The following ZNF397 variants were observed in gnomAD, a reference collection of about 807,000 sequenced individuals.
ZNF397 encodes zinc finger protein 397.
Under a neutral mutation model 50.6 loss-of-function variants are expected in ZNF397, and 38 were observed. The ratio of observed to expected loss-of-function variants is 0.75; its 90% CI spans 0.58 to 0.98. The LOEUF (loss-of-function observed/expected upper bound fraction) is 0.98. Ranked by LOEUF, ZNF397 falls within the 50% of genes least tolerant of loss-of-function variation. The pLI is 0.00. For missense variants in ZNF397, 624 were observed against 624.1 expected (o/e 1.00, Z 0.00); for synonymous variants, 228 against 215.2 (o/e 1.06, Z -0.52).
At chr18:35,253,201 T>C, downstream of ZNF397, 1 of 359,062 alleles carries the variant, frequency 2.8e-6, no homozygotes, top group African/African-American at 2.1e-5. Context: ...ATGAGTCTCA[T>C]CCAGAAATGG....
rs1439601596 is a variant in ZNF397, at chr18:35,245,311, A to G, written c.606A>G (p.Lys202=). 1 of 1,612,358 alleles carries G rather than the reference A, an allele frequency of 6.2e-7. No homozygotes were observed. The highest frequency in any genetic ancestry group is 8.5e-7 in the Non-Finnish European group (1 of 1,178,888). ...CAAAAGAGGGCATCTCAGAAGAAAAATCACAGGGACTCCCTCAGGAACCTT... is the reference window on the plus strand; with the variant it reads ...CAAAAGAGGGCATCTCAGAAGAAAAGTCACAGGGACTCCCTCAGGAACCTT... ...TATKEGISEE[K]SQGLPQEPSF... The change falls in exon 4 of 4, where the codon AAA becomes AAG. Residue 202 remains lysine (K), a synonymous_variant. Coordinates refer to ENST00000330501, the MANE Select transcript of ZNF397 (RefSeq NM_001135178.3).
chr18:35,245,249 C>G lies in ZNF397; in HGVS notation c.557-13C>G, dbSNP rs1160201673. On this transcript the variant is annotated splice_polypyrimidine_tract_variant and intron_variant, in intron 3 of 3. Coordinates refer to ENST00000330501, the MANE Select transcript of ZNF397 (RefSeq NM_001135178.3). ...AAATGTAATATCTGTTTTTTTGCTA[C>G]TTATTGTTTCAGATTGTGAGAACAG... 1 of 1,566,654 alleles carries G rather than the reference C, an allele frequency of 6.4e-7. No individual in the cohort carries two copies. The highest frequency in any genetic ancestry group is 2.3e-5 in the East Asian group (1 of 44,178).
At chr18:35,245,201 G>C in intron 3 of ZNF397, 61 bp from the exon 4 acceptor site, 1 of 1,476,492 alleles carries the variant, frequency 6.8e-7, no homozygotes, top group East Asian at 2.4e-5. Context: ...CTCTCATGTA[G>C]AAAGTTTTGA....
rs969048635 is a variant in ZNF397, at chr18:35,246,871, A to G, written c.*561A>G. On this transcript the variant is annotated 3_prime_UTR_variant, in exon 4 of 4. Coordinates refer to ENST00000330501, the MANE Select transcript of ZNF397 (RefSeq NM_001135178.3). The stretch of plus-strand genomic sequence containing the variant: ...CCCAAAGGTTATTTTTTGAGTACCT[A>G]CTTTGTCCCAGGAACTAGGAATACA... 4 of 982,656 alleles carry G rather than the reference A, an allele frequency of 4.1e-6. No homozygotes were observed. Among genetic ancestry groups the G allele is most frequent in the East Asian group, 1.1e-4 (1 of 8,804 alleles). 60.9% of individuals were successfully genotyped at this position (982,656 alleles called of 1,614,324 possible). A position where few individuals can be genotyped will look rare whatever the true frequency, so the allele number is the denominator to read the frequency against.
chr18:35,254,112 A>G (rs2043702066), downstream of ZNF397: 1 of 1,614,108 alleles, frequency 6.2e-7, no homozygotes, highest in Non-Finnish European at 8.5e-7. Context: ...CTCTCATGAG[A>G]TTCAAGGACA....
Position 35,246,719 on chromosome 18 carries a change from A to C in ZNF397, c.*409A>C. The C allele has an allele frequency of 4.0e-6, 4 of 991,576 alleles. No individual in the cohort carries two copies. The highest frequency in any genetic ancestry group is 4.8e-6 in the Non-Finnish European group (4 of 834,256). 61.4% of individuals were successfully genotyped at this position (991,576 alleles called of 1,614,324 possible). On this transcript the variant is annotated 3_prime_UTR_variant, in exon 4 of 4. Transcript: ENST00000330501. ...TCGTCTCAGGAACTAAAAAAAAAAA[A>C]AAAACTGACCCAATAAAGAACAGTG... is the stretch of plus-strand genomic sequence containing the variant.
downstream of ZNF397, chr18:35,253,335 G>C (rs532072888): frequency 1.3e-6 from 1 of 769,490 alleles, no homozygotes; most frequent in Non-Finnish European, 2.0e-6. Flanking sequence ...TTATAGTACC[G>C]AACTGGGAGG....
rs1308052170 is a variant in ZNF397, at chr18:35,242,692, T to C, written c.222T>C (p.Leu74=). 3 of 1,614,120 alleles carry C rather than the reference T, an allele frequency of 1.9e-6. No individual in the cohort carries two copies. The change falls in exon 2 of 4, where the codon CTT becomes CTC. Residue 74 remains leucine, a synonymous_variant. Transcript: ENST00000330501. ...AGGCTCTGAGCCGACTCCAGGAACT[T>C]TGCTATCAGTGGCTAATGCCAGAGT... ...PREALSRLQE[L]CYQWLMPELH...
At chr18:35,253,075 T>C (rs1336320976), downstream of ZNF397, 2 of 173,362 alleles carry the variant, frequency 1.2e-5, no homozygotes, top group Non-Finnish European at 2.4e-5. Context: ...GCCAGGCACA[T>C]TTGCCATCTT....
intron 1 of ZNF397, among the ~76,000 whole-genome samples, chr18:35,241,953 A>C (rs565802093): frequency 6.6e-5 from 10 of 152,370 alleles, no homozygotes; most frequent in African/African-American, 2.2e-4. Flanking sequence ...ATAAATGTTT[A>C]AAATCAGTAT....
rs1912436696 is a variant in ZNF397, at chr18:35,241,065, G to C, written c.-125G>C. 6.6e-6 allele frequency: 1 copy of C among 152,388 alleles called. No individual in the cohort carries two copies. The highest frequency in any genetic ancestry group is 1.5e-5 in the Non-Finnish European group (1 of 68,162). The allele number at this position is 152,388 out of a possible 1,614,324, so 9.4% of individuals were successfully genotyped here. On this transcript the variant is annotated 5_prime_UTR_variant, in exon 1 of 4. Coordinates refer to ENST00000330501, the MANE Select transcript of ZNF397 (RefSeq NM_001135178.3). ...GCACTTCCGGTCTTTGTGGCTTGCA[G>C]CTCGGGGTGGGTGGCTCATTTCCTG...
chr18:35,244,995 T>C (rs1038729083), intron 3 of ZNF397, among the ~76,000 whole-genome samples: 2 of 152,084 alleles, frequency 1.3e-5, no homozygotes, highest in Non-Finnish European at 2.9e-5. Flanking sequence ...CAGGAATCAG[T>C]TGAGAAAGAG....
At chr18:35,258,658 T>A (rs1394834169), downstream of ZNF397, 1 of 151,598 alleles carries the variant, frequency 6.6e-6, no homozygotes, top group African/African-American at 2.4e-5. Flanking sequence ...GATAACAAGG[T>A]CAGGAGTTTG....
rs564604306 is a variant in ZNF397, at chr18:35,255,054, T to C, written c.817+652T>C. The C allele has an allele frequency of 5.3e-4, 81 of 153,236 alleles. 1 individual carries two copies. Among genetic ancestry groups the C allele is most frequent in the African/African-American group, 1.8e-3 (76 of 41,540 alleles). The allele number at this position is 153,236 out of a possible 1,614,324, so 9.5% of individuals were successfully genotyped here. Reference sequence around the variant, plus strand: ...AAAAATTTTGCACTTAAATCATCCATGGAATACAAAAGAATCTTATAGTTT... The same window carrying C: ...AAAAATTTTGCACTTAAATCATCCACGGAATACAAAAGAATCTTATAGTTT... On this transcript the variant is annotated intron_variant, in intron 5 of 5. Transcript: ENST00000261333.
At position 35,245,263 on chromosome 18, in the gene ZNF397, TTG is replaced by T. The variant is rs762693176; in HGVS notation, c.561_562del (p.Cys187Ter). ...WKPCLSPKSD[C>X]ENSETATKEG... is the part of the protein sequence containing the mutation. ...TTTTTTTGCTACTTATTGTTTCAGA[TTG>T]TGAGAACAGTGAAACAGCAACAAAA... is the stretch of plus-strand genomic sequence containing the variant. On this transcript the variant is annotated frameshift_variant and splice_region_variant, in exon 4 of 4. Coordinates refer to ENST00000330501, the MANE Select transcript of ZNF397 (RefSeq NM_001135178.3). LOFTEE classifies it high-confidence loss of function. The T allele has an allele frequency of 6.3e-7, 1 of 1,586,660 alleles. No individual in the cohort carries two copies. The highest frequency in any genetic ancestry group is 1.8e-5 in the Admixed American group (1 of 55,546).
At chr18:35,251,823 G>A (rs916444647), downstream of ZNF397, 2 of 151,216 alleles carry the variant, frequency 1.3e-5, no homozygotes, top group African/African-American at 2.4e-5. Context: ...AAATTACCCA[G>A]TATCAGGTAG....
At chr18:35,256,485 A>G (rs1170920964) in intron 5 of ZNF397, among the ~76,000 whole-genome samples, 1 of 152,038 alleles carries the variant, frequency 6.6e-6, no homozygotes, top group Non-Finnish European at 1.5e-5. Flanking sequence ...CACTTGAACC[A>G]GGGACGTGGA....
At chr18:35,253,445 CAG>C (rs1312416872), downstream of ZNF397, 5 of 1,551,744 alleles carry the variant, frequency 3.2e-6, no homozygotes, top group Non-Finnish European at 4.4e-6. Flanking sequence ...CTCTTACCCA[CAG>C]AGTTAAACTC....
At position 35,243,310 on chromosome 18, in the gene ZNF397, C is replaced by T. The variant is rs762031428; in HGVS notation, c.556+17C>T. On this transcript the variant is annotated intron_variant, in intron 3 of 3. Coordinates refer to ENST00000330501, the MANE Select transcript of ZNF397 (RefSeq NM_001135178.3). ...CTAAAAGTGGTGAGGAATGGGAAAT[C>T]ATCTGGAAACTCTTGACACTTAGGC... The T allele has an allele frequency of 1.9e-6, 3 of 1,614,174 alleles. No individual in the cohort carries two copies. The highest frequency in any genetic ancestry group is 1.1e-5 in the South Asian group (1 of 91,084).
Sources: allele counts gnomAD v4.1 joint callset (sites outside exome capture counted in the v4.1 genomes callset), GRCh38; gene constraint gnomAD v4.1.1; transcripts MANE v1.5; gene names NCBI Gene and HGNC (gene_info 2026-07-23, HGNC 2026-07-21).